Variants in GKN1 observed in about 807,000 individuals in gnomAD.
GKN1 encodes gastrokine 1.
GKN1 carries 17 observed loss-of-function variants against 19.7 expected under a neutral mutation model. That is an observed-to-expected ratio of 0.86 (90% CI 0.59 to 1.29). The LOEUF (loss-of-function observed/expected upper bound fraction) is 1.29, where lower values mean the gene tolerates loss of function less well. GKN1 is among the 50% of genes most tolerant of loss of function. The pLI, the probability that GKN1 is intolerant of heterozygous loss-of-function variation, is 0.00. For missense variants in GKN1, 218 were observed against 224.5 expected (o/e 0.97, Z 0.19); for synonymous variants, 96 against 78.3 (o/e 1.23, Z -1.20).
At position 68,976,227 on chromosome 2, in the gene GKN1, T is replaced by C. The variant is rs564627942; in HGVS notation, c.13-1268T>C. ...TGTTAAATAGGAAAATTAACTGAAATCATTTTCAGATGTGATTTTTAGCAC... is the reference window on the plus strand; with the variant it reads ...TGTTAAATAGGAAAATTAACTGAAACCATTTTCAGATGTGATTTTTAGCAC... On this transcript the variant is annotated intron_variant, in intron 1 of 5. Coordinates refer to ENST00000377938, the MANE Select transcript of GKN1 (RefSeq NM_019617.4). Among the ~76,000 whole-genome samples, 4 of 152,326 alleles carry C rather than the reference T, an allele frequency of 2.6e-5. No individual in the cohort carries two copies. The East Asian group carries it at 7.7e-4, about 29-fold the overall frequency.
At chr2:68,976,377 C>T (rs1670262982) in intron 1 of GKN1, among the ~76,000 whole-genome samples, 1 of 151,990 alleles carries the variant, frequency 6.6e-6, no homozygotes, top group Non-Finnish European at 1.5e-5. Flanking sequence ...TATATTGGGG[C>T]ACTGACCAAA....
chr2:68,975,017 T>G (rs1670235310), intron 1 of GKN1, among the ~76,000 whole-genome samples: 1 of 152,160 alleles, frequency 6.6e-6, no homozygotes, highest in Admixed American at 6.5e-5. Flanking sequence ...CTTTTTTCTA[T>G]TTATATAATC....
Position 68,980,029 on chromosome 2 carries a change from G to T in GKN1, c.432G>T (p.Gly144=). The part of the protein sequence containing the change: ...FGKNIANMCR[G]IPTYMAEEMQ... The stretch of plus-strand genomic sequence containing the variant: ...AAAACATTGCAAACATGTGTCGTGG[G>T]ATTCCAACATACATGGCTGAGGAGA... The change falls in exon 5 of 6, where the codon GGG becomes GGT. Residue 144 remains glycine, a synonymous_variant. Coordinates refer to ENST00000377938, the MANE Select transcript of GKN1 (RefSeq NM_019617.4). The T allele has an allele frequency of 1.2e-6, 2 of 1,614,024 alleles. No individual in the cohort carries two copies. The highest frequency in any genetic ancestry group is 1.7e-6 in the Non-Finnish European group (2 of 1,179,900).
intron 4 of GKN1, among the ~76,000 whole-genome samples, 153 bp downstream of exon 4, chr2:68,979,134 C>A (rs551968968): frequency 6.6e-6 from 1 of 152,300 alleles, no homozygotes; most frequent in South Asian, 2.1e-4. Flanking sequence ...TGAGGGAAGG[C>A]AACTTCTGCC....
intron 4 of GKN1, among the ~76,000 whole-genome samples, chr2:68,979,674 C>T (rs1402878299): frequency 6.6e-6 from 1 of 152,196 alleles, no homozygotes; most frequent in Non-Finnish European, 1.5e-5. Context: ...TAAATTAAGC[C>T]TCAGACTTCT....
chr2:68,976,984 A>G (rs564544073), intron 1 of GKN1, among the ~76,000 whole-genome samples: 67 of 152,300 alleles, frequency 4.4e-4, no homozygotes, highest in African/African-American at 1.6e-3. Flanking sequence ...ATTTTGACCA[A>G]TCTTAAAAAT....
chr2:68,979,947 A>C lies in GKN1; in HGVS notation c.350A>C (p.Lys117Thr), dbSNP rs1670333273. 1.9e-6 allele frequency: 3 copies of C among 1,613,562 alleles called. No individual in the cohort carries two copies. The highest frequency in any genetic ancestry group is 2.2e-5 in the East Asian group (1 of 44,884). ...QGKGPGGPPP[K>T]GLMYSVNPNK... is the part of the protein sequence containing the mutation. ...AAGGGACCAGGAGGACCACCTCCCAAGGGCCTGATGTACTCAGTCAACCCA... is the reference window on the plus strand; with the variant it reads ...AAGGGACCAGGAGGACCACCTCCCACGGGCCTGATGTACTCAGTCAACCCA... Residue 117 changes from lysine to threonine, a missense_variant, in exon 5 of 6, where the codon AAG (lysine) becomes ACG (threonine). By Grantham distance (78) the Lys-to-Thr change is moderately conservative. Coordinates refer to ENST00000377938, the MANE Select transcript of GKN1 (RefSeq NM_019617.4).
rs1670284606 is a variant in GKN1 at position 68,977,692 on chromosome 2, GT to G, written c.123del (p.Ser41ArgfsTer46). The G allele has an allele frequency of 6.2e-7, 1 of 1,606,644 alleles. No individual in the cohort carries two copies. Among genetic ancestry groups the G allele is most frequent in the Admixed American group, 1.7e-5 (1 of 59,972 alleles). On this transcript the variant is annotated frameshift_variant, in exon 3 of 6. Transcript: ENST00000377938. LOFTEE classifies it high-confidence loss of function. ...NNAGSGQQSV[S>X]VNNEHNVANV... ...GCTGGAAGTGGGCAGCAGTCAGTGA[GT>G]GTCAACAATGAACACAATGTGGCCA... is the stretch of plus-strand genomic sequence containing the variant.
chr2:68,978,748 T>C (rs1353485479), intron 3 of GKN1, 123 bp from the exon 4 acceptor site: 1 of 601,772 alleles, frequency 1.7e-6, no homozygotes, highest in Non-Finnish European at 3.0e-6. Flanking sequence ...CCCCATCCAG[T>C]GCTCTTATCC....
chr2:68,978,663 T>C (rs1670313730), intron 3 of GKN1, among the ~76,000 whole-genome samples: 1 of 152,202 alleles, frequency 6.6e-6, no homozygotes, highest in Admixed American at 6.5e-5. Flanking sequence ...ACCAGTTAGA[T>C]GCTCAGTCTC....
In GKN1 at chr2:68,980,925, T is replaced by C; in HGVS notation, c.*102T>C. On this transcript the variant is annotated 3_prime_UTR_variant, in exon 6 of 6. Coordinates refer to ENST00000377938, the MANE Select transcript of GKN1 (RefSeq NM_019617.4). ...ACCATGTCATTCTGAAATTTTTCTC[T>C]ACTAGTTATGTTTGATTTCTTTAAG... 1 of 678,688 alleles carries C rather than the reference T, an allele frequency of 1.5e-6. No individual in the cohort carries two copies. Among genetic ancestry groups the C allele is most frequent in the Non-Finnish European group, 2.7e-6 (1 of 375,940 alleles). 42.0% of individuals were successfully genotyped at this position (678,688 alleles called of 1,614,324 possible).
chr2:68,979,378 C>T (rs1670324549), intron 4 of GKN1, among the ~76,000 whole-genome samples: 1 of 152,050 alleles, frequency 6.6e-6, no homozygotes, highest in South Asian at 2.1e-4. Flanking sequence ...ATAATATATC[C>T]TATGCAATAT....
At chr2:68,976,058 A>T (rs1670258338) in intron 1 of GKN1, among the ~76,000 whole-genome samples, 1 of 152,140 alleles carries the variant, frequency 6.6e-6, no homozygotes, top group African/African-American at 2.4e-5. Context: ...ACTGCTAGTG[A>T]CATCGCCTCT....
chr2:68,975,100 C>G (rs1670236557), intron 1 of GKN1, among the ~76,000 whole-genome samples: 1 of 152,166 alleles, frequency 6.6e-6, no homozygotes, highest in Non-Finnish European at 1.5e-5. Context: ...GCACCTCACA[C>G]TGACCTATTT....
At chr2:68,979,819 T>C in intron 4 of GKN1, 94 bp from the exon 5 acceptor site, 2 of 980,444 alleles carry the variant, frequency 2.0e-6, no homozygotes, top group South Asian at 2.7e-5. Context: ...CAACACTCAC[T>C]GTTGGCCTCG....
At chr2:68,978,312 AAAAG>A (rs1157502198) in intron 3 of GKN1, among the ~76,000 whole-genome samples, 3 of 129,282 alleles carry the variant, frequency 2.3e-5, no homozygotes, top group Non-Finnish European at 4.7e-5. Context: ...GAAAGAAAGA[AAAAG>A]AAAAAAGAGA....
chr2:68,980,143 C>A, intron 5 of GKN1, 83 bp downstream of exon 5: 1 of 1,174,164 alleles, frequency 8.5e-7, no homozygotes, highest in East Asian at 2.3e-5. Flanking sequence ...TAGTGGGCAC[C>A]AGTGATGCAG....
chr2:68,980,133 T>C lies in GKN1; in HGVS notation c.463+73T>C, dbSNP rs971966545. 3.7e-5 allele frequency: 49 copies of C among 1,308,734 alleles called. No homozygotes were observed. The African/African-American group carries it at 4.8e-4, about 13-fold the overall frequency. The allele number at this position is 1,308,734 out of a possible 1,614,324, so 81.1% of individuals were successfully genotyped here. On this transcript the variant is annotated intron_variant, in intron 5 of 5. Transcript: ENST00000377938. ...GTCAGACTATCCTCGCGCGTGTCCA[T>C]AGTGGGCACCAGTGATGCAGGGATG...
chr2:68,975,487 G>C (rs1197390594), intron 1 of GKN1, among the ~76,000 whole-genome samples: 1 of 152,000 alleles, frequency 6.6e-6, no homozygotes, highest in African/African-American at 2.4e-5. Flanking sequence ...AGTAGTGCCG[G>C]GTTTCTCACA....
Sources: gnomAD v4.1 joint callset for allele counts (sites outside exome capture counted in the v4.1 genomes callset) on GRCh38, gnomAD v4.1.1 for gene constraint, MANE v1.5 for transcripts, NCBI Gene and HGNC (gene_info 2026-07-23, HGNC 2026-07-21) for gene names.